BCCIP: variants seen among roughly 807,000 people sequenced by gnomAD.
BCCIP encodes BRCA2 and CDKN1A-interacting protein.
In BCCIP, 23 loss-of-function variants were observed where a neutral mutation model predicts 32.8. The observed-to-expected ratio is 0.70, with a 90% CI of 0.51 to 0.99. BCCIP has a LOEUF of 0.99. BCCIP is among the 50% of genes least tolerant of loss of function. The pLI is 0.00. For synonymous variants in BCCIP, 144 were observed against 137.6 expected, an observed-to-expected ratio of 1.05 and a Z score of -0.33; for missense variants, 378 against 379.8, an observed-to-expected ratio of 1.00 and a Z score of 0.04.
At chr10:125,838,205 C>T (rs780550387), downstream of BCCIP, 2 of 1,571,770 alleles carry the variant, frequency 1.3e-6, no homozygotes, top group Admixed American at 2.1e-5. Flanking sequence ...ATTAAACTTA[C>T]AGTTCAGGAG....
intron 7 of BCCIP, among the ~76,000 whole-genome samples, chr10:125,849,839 C>A (rs1283209153): frequency 1.3e-5 from 2 of 152,196 alleles, no homozygotes; most frequent in Non-Finnish European, 2.9e-5. Flanking sequence ...AGCGCATATA[C>A]TTCTCTAGTA....
chr10:125,826,589 AG>A lies in BCCIP; in HGVS notation c.166del. On this transcript the variant is annotated splice_acceptor_variant, in intron 1 of 6. Transcript: ENST00000278100. LOFTEE classifies it high-confidence loss of function. ...AACAACTATTTTGTGTGTTATTTACAGGAAGTGAATATTGAATTTGAAGCTT... is the reference window on the plus strand; with the variant it reads ...AACAACTATTTTGTGTGTTATTTACAGAAGTGAATATTGAATTTGAAGCTT... 1 of 1,613,310 alleles carries A rather than the reference AG, an allele frequency of 6.2e-7. No homozygotes were observed. The highest frequency in any genetic ancestry group is 8.5e-7 in the Non-Finnish European group (1 of 1,179,676).
At chr10:125,830,419 A>G in intron 3 of BCCIP, 143 bp from the exon 4 acceptor site, 1 of 490,748 alleles carries the variant, frequency 2.0e-6, no homozygotes, top group East Asian at 3.2e-5. Context: ...TTAAAATACA[A>G]TGCTTTCTAA....
downstream of BCCIP, chr10:125,838,071 G>T: frequency 1.3e-6 from 1 of 760,984 alleles, no homozygotes; most frequent in Non-Finnish European, 2.0e-6. Context: ...CCTGCCCTTA[G>T]TAGGTACTGT....
At chr10:125,833,286 G>T (rs1008051884) in intron 5 of BCCIP, among the ~76,000 whole-genome samples, 1 of 152,210 alleles carries the variant, frequency 6.6e-6, no homozygotes, top group Non-Finnish European at 1.5e-5. Flanking sequence ...AATTTAGGTT[G>T]TGTGTTTATG....
At chr10:125,826,328 T>C (rs1480566721) in intron 1 of BCCIP, 3 of 428,408 alleles carry the variant, frequency 7.0e-6, no homozygotes, top group Non-Finnish European at 1.2e-5. Flanking sequence ...TGAAGTGATT[T>C]TGATTTTTGC....
Position 125,823,730 on chromosome 10 carries a change from G to A in BCCIP, c.165+8G>A. 6.2e-7 allele frequency: 1 copy of A among 1,613,784 alleles called. No individual in the cohort carries two copies. ...GACGAGGTCATTGACGAGGTGAGAA[G>A]GACACGCTCCCCTAGTTGGTTTATA... On this transcript the variant is annotated splice_region_variant and intron_variant, in intron 1 of 6. Transcript: ENST00000278100.
At chr10:125,840,724 G>T, downstream of BCCIP, 1 of 1,102,736 alleles carries the variant, frequency 9.1e-7, no homozygotes, top group Non-Finnish European at 1.3e-6. Context: ...GGCCTCAAGT[G>T]CCATTGCATT....
At chr10:125,843,462 A>G (rs1408322833), downstream of BCCIP, among the ~76,000 whole-genome samples, 4 of 152,096 alleles carry the variant, frequency 2.6e-5, no homozygotes, top group Non-Finnish European at 4.4e-5. Flanking sequence ...AATACAAAAA[A>G]TTAGCCGGGC....
At chr10:125,852,653 A>T in intron 7 of BCCIP, 1 of 1,595,108 alleles carries the variant, frequency 6.3e-7, no homozygotes, top group Non-Finnish European at 8.5e-7. Context: ...CTTTAAATGG[A>T]AAGACAGCAT....
chr10:125,852,788 G>A, intron 7 of BCCIP: 1 of 755,308 alleles, frequency 1.3e-6, no homozygotes, highest in Non-Finnish European at 2.1e-6. Flanking sequence ...ATTTATTATT[G>A]TTTCACTTGC....
chr10:125,833,693 C>A, intron 5 of BCCIP, 79 bp from the exon 6 acceptor site: 1 of 1,481,014 alleles, frequency 6.8e-7, no homozygotes, highest in Non-Finnish European at 9.3e-7. Flanking sequence ...GATGCCTCAC[C>A]GGGTTTTCTG....
At chr10:125,853,186 A>G in exon 8 of BCCIP, 5 of 1,613,364 alleles carry the variant, frequency 3.1e-6, no homozygotes, top group Non-Finnish European at 4.2e-6. Context: ...TTCAATCAAG[A>G]TCAACTCTAA....
intron 3 of BCCIP, among the ~76,000 whole-genome samples, chr10:125,828,791 C>T (rs552801573): frequency 6.6e-6 from 1 of 152,318 alleles, no homozygotes; most frequent in South Asian, 2.1e-4. Flanking sequence ...CACAACTCAT[C>T]TGTGCTCCTG....
At chr10:125,824,330 C>A (rs1854298323) in intron 1 of BCCIP, among the ~76,000 whole-genome samples, 1 of 152,156 alleles carries the variant, frequency 6.6e-6, no homozygotes, top group South Asian at 2.1e-4. Context: ...TAGTGCCTGG[C>A]AATATAGGTA....
At chr10:125,843,611 C>CA (rs879669432), downstream of BCCIP, among the ~76,000 whole-genome samples, 376 of 132,052 alleles carry the variant, frequency 2.8e-3, no homozygotes, top group East Asian at 5.3e-3. Flanking sequence ...GACTCCGTCT[C>CA]AAAAAAAAAA....
At chr10:125,851,125 A>C (rs749289482) in intron 7 of BCCIP, among the ~76,000 whole-genome samples, 2 of 152,256 alleles carry the variant, frequency 1.3e-5, no homozygotes, top group Non-Finnish European at 2.9e-5. Context: ...CACATGGTTC[A>C]TGCATCCTGA....
chr10:125,826,221 G>T, intron 1 of BCCIP: 2 of 251,712 alleles, frequency 7.9e-6, no homozygotes, highest in South Asian at 4.5e-5. Context: ...ACAGTGCTTG[G>T]TACCTGGATT....
At chr10:125,839,831 C>T (rs1167068628), downstream of BCCIP, among the ~76,000 whole-genome samples, 2 of 152,116 alleles carry the variant, frequency 1.3e-5, no homozygotes, top group Non-Finnish European at 2.9e-5. Flanking sequence ...GGCCATGGCA[C>T]CATGGACAGA....
Sources: allele counts gnomAD v4.1 joint callset (sites outside exome capture counted in the v4.1 genomes callset), GRCh38; gene constraint gnomAD v4.1.1; transcripts MANE v1.5; gene names NCBI Gene and HGNC (gene_info 2026-07-23, HGNC 2026-07-21).